The following PCLO variants were observed in gnomAD, a reference collection of about 807,000 sequenced individuals.
PCLO encodes piccolo presynaptic cytomatrix protein.
Under a neutral mutation model 427.5 loss-of-function variants are expected in PCLO, and 82 were observed. That is an observed-to-expected ratio of 0.19 (90% CI 0.16 to 0.23). The LOEUF is 0.23. Among genes scored for constraint, PCLO ranks in the 10% least tolerant of loss-of-function variants. The probability of loss-of-function intolerance (pLI) is 1.00; values close to 1 mark genes in which losing one functional copy is unlikely to be tolerated. For synonymous variants in PCLO, 2,357 were observed against 2,155.4 expected (o/e 1.09, Z -2.59); for missense variants, 6,239 against 6,115.9 (o/e 1.02, Z -0.67).
chr7:82,774,847 G>A (rs185569507), intron 22 of PCLO, among the ~76,000 whole-genome samples: 63 of 152,208 alleles, frequency 4.1e-4, no homozygotes, highest in African/African-American at 1.2e-3. Flanking sequence ...CACCATTATA[G>A]TATCATAAAG....
intron 3 of PCLO, among the ~76,000 whole-genome samples, chr7:83,094,260 G>A (rs375553723): frequency 1.2e-4 from 17 of 139,580 alleles, no homozygotes; most frequent in African/African-American, 4.3e-4. Context: ...CCAGGCTGGA[G>A]TGCAATAGTG....
Position 82,822,704 on chromosome 7 carries a change from G to T in PCLO, c.14597-15C>A. 6.2e-7 allele frequency: 1 copy of T among 1,609,406 alleles called. No homozygotes were observed. Among genetic ancestry groups the T allele is most frequent in the Non-Finnish European group, 8.5e-7 (1 of 1,178,012 alleles). On this transcript the variant is annotated splice_polypyrimidine_tract_variant and intron_variant, in intron 19 of 24. Transcript: ENST00000333891. ...AACCTGCATGTCTGGTCACAAAAGG[G>T]TAAAACATGAGTTAAAGTTGTTCCA...
At position 82,915,382 on chromosome 7, in the gene PCLO, T is replaced by C; in HGVS notation, c.12604A>G (p.Lys4202Glu). The change falls in exon 7 of 25, where the codon AAA (lysine) becomes GAA (glutamate). Residue 4202 changes from lysine to glutamate, a missense_variant. Lys to Glu is a moderately conservative substitution (Grantham distance 56). Around this residue, in one of 5 missense-constraint regions of PCLO, gnomAD observed 680 missense variants for 677.3 expected, o/e 1.00. Coordinates refer to ENST00000333891, the MANE Select transcript of PCLO (RefSeq NM_033026.6). ...CTACTTTCTTGAATAGGTGAAAATTTTGACATTTTAGGGTCAATTAGTGAT... is the reference window on the plus strand; with the variant it reads ...CTACTTTCTTGAATAGGTGAAAATTCTGACATTTTAGGGTCAATTAGTGAT... ...KKSLIDPKMS[K>E]FSPIQESRDL... 6.2e-7 allele frequency: 1 copy of C among 1,613,584 alleles called. No individual in the cohort carries two copies.
intron 3 of PCLO, among the ~76,000 whole-genome samples, chr7:83,062,794 G>T (rs1228277647): frequency 4.0e-5 from 6 of 151,836 alleles, no homozygotes; most frequent in Non-Finnish European, 1.5e-5. Context: ...TAATCCTGTT[G>T]GTAGTTTTAT....
intron 20 of PCLO, chr7:82,821,362 T>C (rs967504977): frequency 1.0e-6 from 1 of 985,930 alleles, no homozygotes. Context: ...TTAAATGTTA[T>C]TCATGCAAAC....
chr7:82,844,750 G>A (rs1792456067), intron 13 of PCLO, among the ~76,000 whole-genome samples: 1 of 151,866 alleles, frequency 6.6e-6, no homozygotes, highest in Admixed American at 6.6e-5. Context: ...CAATAGCATT[G>A]GAAGCATTTG....
At chr7:82,944,501 C>T (rs1795156589) in intron 6 of PCLO, among the ~76,000 whole-genome samples, 1 of 151,642 alleles carries the variant, frequency 6.6e-6, no homozygotes. Flanking sequence ...TGATGATAGG[C>T]AAAATGGAGG....
chr7:82,773,728 T>TA, intron 22 of PCLO, among the ~76,000 whole-genome samples: 1 of 152,092 alleles, frequency 6.6e-6, no homozygotes, highest in Non-Finnish European at 1.5e-5. Flanking sequence ...GCTATTCTTT[T>TA]TTTTTTTATT....
intron 13 of PCLO, among the ~76,000 whole-genome samples, chr7:82,844,481 A>G (rs1792448910): frequency 6.6e-6 from 1 of 152,158 alleles, no homozygotes; most frequent in Admixed American, 6.6e-5. Flanking sequence ...GTTAAAAAAC[A>G]AACTTTATTT....
chr7:82,880,174 TA>T (rs1232375920), intron 9 of PCLO, among the ~76,000 whole-genome samples: 1 of 152,080 alleles, frequency 6.6e-6, no homozygotes, highest in Non-Finnish European at 1.5e-5. Flanking sequence ...AAAAAATAGC[TA>T]AAAATTAGCA....
At chr7:83,147,741 A>C (rs1415203901) in intron 2 of PCLO, among the ~76,000 whole-genome samples, 1 of 152,196 alleles carries the variant, frequency 6.6e-6, no homozygotes, top group Non-Finnish European at 1.5e-5. Flanking sequence ...TACCAGTGTT[A>C]ATTTTAGTTA....
At chr7:82,938,761 G>A (rs1304679434) in intron 6 of PCLO, among the ~76,000 whole-genome samples, 1 of 151,924 alleles carries the variant, frequency 6.6e-6, no homozygotes, top group East Asian at 1.9e-4. Flanking sequence ...GTTGGACTCA[G>A]ATACTAAACG....
rs745824155 is a variant in PCLO, at chr7:83,093,472, G to GTGTGTGTGTGTATATATATATATATA, written c.3300+40777_3300+40778insTATATATATATATATACACACACACA. Among the ~76,000 whole-genome samples, 276 of 99,094 alleles carry GTGTGTGTGTGTATATATATATATATA rather than the reference G, an allele frequency of 2.8e-3. 29 individuals carry two copies. The highest frequency in any genetic ancestry group is 4.0e-3 in the Non-Finnish European group (214 of 53,680). The allele number at this position is 99,094 out of a possible 152,430, so 65.0% of individuals were successfully genotyped here. ...ACCACAAACATATATATGTGTGTGT[G>GTGTGTGTGTGTATATATATATATATA]TATAGATATATATATATATATTTTT... On this transcript the variant is annotated intron_variant, in intron 3 of 24. Coordinates refer to ENST00000333891, the MANE Select transcript of PCLO (RefSeq NM_033026.6).
intron 22 of PCLO, among the ~76,000 whole-genome samples, chr7:82,766,861 T>C (rs1790541878): frequency 2.6e-5 from 4 of 151,598 alleles, no homozygotes; most frequent in African/African-American, 7.3e-5. Flanking sequence ...GTGTGATACT[T>C]GTGAAATTTT....
chr7:83,058,916 A>G (rs981006363), intron 3 of PCLO, among the ~76,000 whole-genome samples: 2 of 152,118 alleles, frequency 1.3e-5, no homozygotes, highest in African/African-American at 4.8e-5. Context: ...TATTCATTTG[A>G]GCAAAATTAC....
At chr7:83,127,295 CA>C (rs1791461369) in intron 3 of PCLO, among the ~76,000 whole-genome samples, 1 of 151,772 alleles carries the variant, frequency 6.6e-6, no homozygotes, top group Admixed American at 6.6e-5. Flanking sequence ...TGTAAGTTCA[CA>C]TATTTGTTTC....
intron 7 of PCLO, among the ~76,000 whole-genome samples, chr7:82,911,982 A>G (rs899981286): frequency 1.3e-5 from 2 of 152,170 alleles, no homozygotes; most frequent in Admixed American, 6.5e-5. Context: ...AACTATATCT[A>G]TATAGACTTT....
intron 22 of PCLO, among the ~76,000 whole-genome samples, chr7:82,768,221 G>A (rs769532366): frequency 1.6e-4 from 24 of 152,050 alleles, no homozygotes; most frequent in Non-Finnish European, 2.1e-4. Flanking sequence ...ACAGGAGTTC[G>A]AGACCAGCCT....
chr7:83,000,718 T>C (rs150883411), intron 3 of PCLO, among the ~76,000 whole-genome samples: 154 of 152,176 alleles, frequency 1.0e-3, no homozygotes, highest in African/African-American at 3.5e-3. Context: ...AACAGGCCAG[T>C]CTGTTACCCA....
Sources: gnomAD v4.1 joint callset for allele counts (sites outside exome capture counted in the v4.1 genomes callset) on GRCh38, gnomAD v4.1.1 for gene constraint, gnomAD v4.1.1 regional missense constraint, MANE v1.5 for transcripts, NCBI Gene and HGNC (gene_info 2026-07-23, HGNC 2026-07-21) for gene names.